The following MTA3 variants were observed in gnomAD, a reference collection of about 807,000 sequenced individuals.
MTA3 encodes the protein metastasis associated 1 family member 3.
MTA3 carries 34 observed loss-of-function variants against 83.5 expected under a neutral mutation model. The ratio of observed to expected loss-of-function variants is 0.41; its 90% CI spans 0.31 to 0.54. The LOEUF (loss-of-function observed/expected upper bound fraction) is 0.54, where lower values mean the gene tolerates loss of function less well. MTA3 is among the 20% of genes least tolerant of loss of function. MTA3 has a pLI of 0.33. For synonymous variants in MTA3, 303 were observed against 252.7 expected, an observed-to-expected ratio of 1.20 and a Z score of -1.89; for missense variants, 761 against 726.4, an observed-to-expected ratio of 1.05 and a Z score of -0.55.
intron 7 of MTA3, among the ~76,000 whole-genome samples, chr2:42,658,071 C>CAAAAAAAAA (rs59628946): frequency 5.8e-5 from 3 of 51,932 alleles, no homozygotes; most frequent in African/African-American, 2.4e-4. Context: ...GACTCTGTCT[C>CAAAAAAAAA]AAAAAAAAAA....
At chr2:42,635,248 A>G (rs555332031) in intron 4 of MTA3, among the ~76,000 whole-genome samples, 2 of 152,226 alleles carry the variant, frequency 1.3e-5, no homozygotes, top group East Asian at 1.9e-4. Context: ...ATTGTGTTAA[A>G]TGCTGTCAAA....
In MTA3 at chr2:42,659,961, T is replaced by C. The variant is rs1302021266; in HGVS notation, c.702+99T>C. Reference sequence around the variant, plus strand: ...TACTGTAGACCGGGAGCTTTTGGGCTCTTAGCCTTCCTGACTGCTAGGTTG... The same window carrying C: ...TACTGTAGACCGGGAGCTTTTGGGCCCTTAGCCTTCCTGACTGCTAGGTTG... On this transcript the variant is annotated intron_variant, in intron 8 of 16. Coordinates refer to ENST00000405094, the MANE Select transcript of MTA3 (RefSeq NM_001330442.2). 6.4e-6 allele frequency: 5 copies of C among 779,764 alleles called. No individual in the cohort carries two copies. The African/African-American group carries it at 9.1e-5, about 14-fold the overall frequency. The allele number at this position is 779,764 out of a possible 1,614,324, so 48.3% of individuals were successfully genotyped here.
chr2:42,574,227 T>G (rs1190346290), intron 2 of MTA3, among the ~76,000 whole-genome samples: 3 of 150,140 alleles, frequency 2.0e-5, no homozygotes, highest in Non-Finnish European at 4.4e-5. Flanking sequence ...CTCTGCCTCC[T>G]GGGTTCAAGC....
At chr2:42,568,944 T>G (rs1572999104) in intron 1 of MTA3, among the ~76,000 whole-genome samples, 171 bp downstream of exon 1, 1 of 132,976 alleles carries the variant, frequency 7.5e-6, no homozygotes, top group East Asian at 2.5e-4. Flanking sequence ...CACCCATCCC[T>G]TCCCCTCCCC....
intron 14 of MTA3, among the ~76,000 whole-genome samples, chr2:42,717,127 G>GTTTT (rs66521425): frequency 3.1e-5 from 2 of 64,920 alleles, no homozygotes; most frequent in Admixed American, 1.8e-4. Context: ...TCAGAAAAGA[G>GTTTT]TTTTTTTTTT....
intron 3 of MTA3, among the ~76,000 whole-genome samples, chr2:42,603,359 G>C (rs1682820025): frequency 6.6e-6 from 1 of 152,086 alleles, no homozygotes; most frequent in Non-Finnish European, 1.5e-5. Context: ...TAGATAATTT[G>C]GTTCTGATTC....
chr2:42,537,508 T>C (rs1676298624), intron 2 of MTA3, among the ~76,000 whole-genome samples: 1 of 151,512 alleles, frequency 6.6e-6, no homozygotes, highest in Admixed American at 6.6e-5. Flanking sequence ...GAGGTTGCAG[T>C]GAGCTGAGAT....
intron 11 of MTA3, 103 bp from the exon 12 acceptor site, chr2:42,704,091 T>C (rs982997094): frequency 3.9e-5 from 50 of 1,287,216 alleles, no homozygotes; most frequent in Non-Finnish European, 5.2e-5. Flanking sequence ...TTTAAAATGT[T>C]TGTTTATGTT....
chr2:42,704,009 C>G, intron 11 of MTA3, 185 bp from the exon 12 acceptor site: 1 of 575,558 alleles, frequency 1.7e-6, no homozygotes, highest in South Asian at 2.3e-5. Context: ...TTCATAGACT[C>G]GTTTTATAAA....
chr2:42,634,955 T>C (rs895406515), intron 4 of MTA3, among the ~76,000 whole-genome samples: 2 of 152,214 alleles, frequency 1.3e-5, no homozygotes, highest in African/African-American at 4.8e-5. Context: ...TATTCTTTCT[T>C]GTATAAACTT....
chr2:42,756,352 G>T lies in MTA3; in HGVS notation c.*2953G>T, dbSNP rs957163782. On this transcript the variant is annotated 3_prime_UTR_variant, in exon 17 of 17. Transcript: ENST00000405094. ...CCTCTTGGCCTCCAGAGTCCTGCAG[G>T]TGCCTCACAGTAGTGAAACCCAGTT... The T allele has an allele frequency of 5.8e-5, 33 of 573,322 alleles. No individual in the cohort carries two copies. Among genetic ancestry groups the T allele is most frequent in the African/African-American group, 1.0e-4 (5 of 49,368 alleles). 35.5% of individuals were successfully genotyped at this position (573,322 alleles called of 1,614,324 possible). A position where few individuals can be genotyped will look rare whatever the true frequency, so the allele number is the denominator to read the frequency against.
intron 3 of MTA3, among the ~76,000 whole-genome samples, chr2:42,607,374 C>T (rs1683605393): frequency 1.3e-5 from 2 of 152,108 alleles, no homozygotes; most frequent in South Asian, 4.1e-4. Context: ...AGGCATTGTT[C>T]AACTTTATTT....
Position 42,709,048 on chromosome 2 carries a change from G to A in MTA3, c.1477G>A (p.Ala493Thr), listed in dbSNP as rs2104509083. The A allele has an allele frequency of 1.2e-6, 2 of 1,613,552 alleles. No individual in the cohort carries two copies. The highest frequency in any genetic ancestry group is 1.7e-6 in the Non-Finnish European group (2 of 1,179,668). ...AAATACCCTCCGGCTGCGGCAGGCA[G>A]CAAGACGGCCGTTTGTTGCTATTAA... is the stretch of plus-strand genomic sequence containing the variant. ...CKNTLRLRQA[A>T]RRPFVAINYA... Residue 493 changes from alanine (A) to threonine (T), a missense_variant, in exon 14 of 17, where the codon GCA (alanine) becomes ACA (threonine). Coordinates refer to ENST00000405094, the MANE Select transcript of MTA3 (RefSeq NM_001330442.2).
At chr2:42,667,192 G>T (rs1233110040) in intron 8 of MTA3, among the ~76,000 whole-genome samples, 1 of 152,112 alleles carries the variant, frequency 6.6e-6, no homozygotes, top group Non-Finnish European at 1.5e-5. Context: ...GATTATAGGT[G>T]TATGCCAGCA....
intron 4 of MTA3, among the ~76,000 whole-genome samples, chr2:42,626,745 A>G (rs916749737): frequency 1.3e-5 from 2 of 151,752 alleles, no homozygotes; most frequent in African/African-American, 2.4e-5. Context: ...TTTTTTTTAA[A>G]TTTAATTTTT....
intron 16 of MTA3, among the ~76,000 whole-genome samples, chr2:42,728,210 G>GGCTTATTTC (rs1363243775): frequency 6.6e-6 from 1 of 152,052 alleles, no homozygotes; most frequent in Non-Finnish European, 1.5e-5. Context: ...TTCTGTTCAT[G>GGCTTATTTC]GCTTATTTCA....
chr2:42,746,751 C>T (rs909902628), intron 16 of MTA3, among the ~76,000 whole-genome samples: 2 of 152,244 alleles, frequency 1.3e-5, no homozygotes, highest in African/African-American at 4.8e-5. Flanking sequence ...TGCAGAGATG[C>T]ATAGGGCGAG....
chr2:42,725,436 T>C (rs1234588819), intron 16 of MTA3, among the ~76,000 whole-genome samples: 2 of 152,200 alleles, frequency 1.3e-5, no homozygotes, highest in Admixed American at 6.5e-5. Flanking sequence ...ATCAGCAAAG[T>C]AGAAACTATA....
chr2:42,593,767 G>A (rs1681326751), intron 3 of MTA3, among the ~76,000 whole-genome samples: 1 of 151,934 alleles, frequency 6.6e-6, no homozygotes, highest in Non-Finnish European at 1.5e-5. Context: ...CCTGTGAATA[G>A]CCACTGCATT....
Sources: allele counts gnomAD v4.1 joint callset (sites outside exome capture counted in the v4.1 genomes callset), GRCh38; gene constraint gnomAD v4.1.1; transcripts MANE v1.5; gene names NCBI Gene and HGNC (gene_info 2026-07-23, HGNC 2026-07-21).